ADCYAP1: variants seen among roughly 807,000 people sequenced by gnomAD.
The protein encoded by ADCYAP1 is pituitary adenylate cyclase-activating polypeptide.
Under a neutral mutation model 18.5 loss-of-function variants are expected in ADCYAP1, and 6 were observed. That is an observed-to-expected ratio of 0.32 (90% confidence interval 0.18 to 0.64). The LOEUF (loss-of-function observed/expected upper bound fraction) is 0.64. Among genes scored for constraint, ADCYAP1 ranks in the 30% least tolerant of loss-of-function variants. ADCYAP1 has a pLI of 0.77. For missense variants in ADCYAP1, 314 were observed against 253.6 expected (o/e 1.24, Z -1.62); for synonymous variants, 136 against 113.9 (o/e 1.19, Z -1.24).
intron 2 of ADCYAP1, chr18:907,417 C>A (rs1909208176): frequency 9.2e-6 from 4 of 435,744 alleles, no homozygotes; most frequent in Non-Finnish European, 1.2e-5. Flanking sequence ...GGCCGTGGCC[C>A]GCAGGACGAC....
In ADCYAP1 at chr18:907,694, C is replaced by G; in HGVS notation, c.146C>G (p.Pro49Arg). ...GAGGCGTACGGCGAGGACGGAAACC[C>G]GCTGCCAGACTTCGATGGCTCGGAG... is the stretch of plus-strand genomic sequence containing the variant. ...EEEAYGEDGN[P>R]LPDFDGSEPP... Residue 49 changes from proline (P) to arginine (R), a missense_variant, in exon 3 of 5, where the codon CCG becomes CGG. Pro to Arg is a moderately radical substitution (Grantham distance 103). Coordinates refer to ENST00000450565, the MANE Select transcript of ADCYAP1 (RefSeq NM_001099733.2). The G allele has an allele frequency of 6.4e-7, 1 of 1,569,758 alleles. No individual in the cohort carries two copies. The highest frequency in any genetic ancestry group is 2.4e-5 in the East Asian group (1 of 42,412).
Position 910,945 on chromosome 18 carries a change from G to A in ADCYAP1, c.*1310G>A, listed in dbSNP as rs1387202442. ...GAAACCCCTCTGTAGCCACTAGTAA[G>A]TAATTATGCACTAAATATGAACCCT... On this transcript the variant is annotated 3_prime_UTR_variant, in exon 5 of 5. Coordinates refer to ENST00000450565, the MANE Select transcript of ADCYAP1 (RefSeq NM_001099733.2). The A allele has an allele frequency of 2.0e-5, 3 of 151,986 alleles. No individual in the cohort carries two copies. The highest frequency in any genetic ancestry group is 4.4e-5 in the Non-Finnish European group (3 of 68,026). 9.4% of individuals were successfully genotyped at this position (151,986 alleles called of 1,614,324 possible).
At chr18:905,148 C>T (rs962707791) in intron 1 of ADCYAP1, 88 bp downstream of exon 1, 1 of 1,393,222 alleles carries the variant, frequency 7.2e-7, no homozygotes, top group Admixed American at 2.9e-5. Context: ...GTTAGCTTTC[C>T]TTCAGCCGGG....
chr18:904,531 C>G, upstream of ADCYAP1: 1 of 1,289,194 alleles, frequency 7.8e-7, no homozygotes, highest in Non-Finnish European at 1.0e-6. Context: ...CCGGTCACCT[C>G]TGTAACCAGC....
At chr18:904,536 A>G, upstream of ADCYAP1, 1 of 1,289,166 alleles carries the variant, frequency 7.8e-7, no homozygotes, top group Non-Finnish European at 1.0e-6. Flanking sequence ...CACCTCTGTA[A>G]CCAGCGGTAG....
Position 905,406 on chromosome 18 carries a change from C to A in ADCYAP1, c.20C>A (p.Ala7Glu). 3 of 1,613,066 alleles carry A rather than the reference C, an allele frequency of 1.9e-6. No individual in the cohort carries two copies. Among genetic ancestry groups the A allele is most frequent in the Non-Finnish European group, 8.5e-7 (1 of 1,180,016 alleles). The part of the protein sequence containing the change: MTMCSG[A>E]RLALLVYGII... The stretch of plus-strand genomic sequence containing the variant: ...CGCAGAATGACCATGTGTAGCGGAG[C>A]GAGGCTGGCCCTGCTGGTCTATGGG... Residue 7 changes from alanine (A) to glutamate (E), a missense_variant, in exon 2 of 5, where the codon GCG becomes GAG. Coordinates refer to ENST00000450565, the MANE Select transcript of ADCYAP1 (RefSeq NM_001099733.2).
At position 911,850 on chromosome 18, in the gene ADCYAP1, A is replaced by G. The variant is rs1455211512; in HGVS notation, c.*2215A>G. On this transcript the variant is annotated 3_prime_UTR_variant, in exon 5 of 5. Transcript: ENST00000450565. ...TATTTGTATCAGCTGTTAGTGGTGA[A>G]ATAGGGCTCTAGTTAACCTTTTATT... The G allele has an allele frequency of 6.6e-6, 1 of 152,218 alleles. No homozygotes were observed. Among genetic ancestry groups the G allele is most frequent in the Non-Finnish European group, 1.5e-5 (1 of 68,046 alleles). The allele number at this position is 152,218 out of a possible 1,614,324, so 9.4% of individuals were successfully genotyped here.
In ADCYAP1 at chr18:907,441, A is replaced by AG. The variant is rs33986139; in HGVS notation, c.111-211dup. 1.2e-4 allele frequency: 50 copies of AG among 414,862 alleles called. No homozygotes were observed. In the Admixed American group the frequency reaches 1.8e-3, roughly 15 times the overall value. 25.7% of individuals were successfully genotyped at this position (414,862 alleles called of 1,614,324 possible). ...CCGCAGGACGACCCTTTACCCGCGA[A>AG]GGGGGGGTGGGCGGGCCGCCCGGCG... On this transcript the variant is annotated intron_variant, in intron 2 of 4. Coordinates refer to ENST00000450565, the MANE Select transcript of ADCYAP1 (RefSeq NM_001099733.2).
At chr18:907,322 A>G (rs1161088529) in intron 2 of ADCYAP1, among the ~76,000 whole-genome samples, 1 of 151,928 alleles carries the variant, frequency 6.6e-6, no homozygotes, top group East Asian at 1.9e-4. Context: ...GAGGCTCGGG[A>G]GCCAGGCGGG....
chr18:905,765 C>T (rs996946620), intron 2 of ADCYAP1: 10 of 494,672 alleles, frequency 2.0e-5, no homozygotes, highest in Non-Finnish European at 3.6e-5. Flanking sequence ...CTGGAGAACC[C>T]CCCCTCCCCC....
In ADCYAP1 at chr18:904,890, A is replaced by G. The variant is rs779405150; in HGVS notation, c.-172A>G. 9 of 1,288,310 alleles carry G rather than the reference A, an allele frequency of 7.0e-6. No homozygotes were observed. In the East Asian group the frequency reaches 2.2e-4, roughly 32 times the overall value. 79.8% of individuals were successfully genotyped at this position (1,288,310 alleles called of 1,614,324 possible). On this transcript the variant is annotated 5_prime_UTR_variant, in exon 1 of 5. Transcript: ENST00000450565. Reference sequence around the variant, plus strand: ...TTGAGCAGAACACGAGCCTCGGCAAACGAGTCCCGCAGCTCCTCCTGCTGC... The same window carrying G: ...TTGAGCAGAACACGAGCCTCGGCAAGCGAGTCCCGCAGCTCCTCCTGCTGC...
At position 909,427 on chromosome 18, in the gene ADCYAP1, C is replaced by T. The variant is rs1909301348; in HGVS notation, c.342-19C>T. 3.1e-6 allele frequency: 5 copies of T among 1,605,882 alleles called. No homozygotes were observed. The highest frequency in any genetic ancestry group is 4.3e-6 in the Non-Finnish European group (5 of 1,176,360). On this transcript the variant is annotated intron_variant, in intron 4 of 4. Transcript: ENST00000450565. ...TGTCTCCCGCCCCGCCACCCTCTTC[C>T]CGACCCCTTTGCTTGCAGTGGGAGC... is the stretch of plus-strand genomic sequence containing the variant.
intron 4 of ADCYAP1, among the ~76,000 whole-genome samples, chr18:908,743 T>C (rs1487341036): frequency 6.6e-6 from 1 of 152,064 alleles, no homozygotes; most frequent in Non-Finnish European, 1.5e-5. Flanking sequence ...AAAATTCAAA[T>C]CGAAATAATA....
intron 1 of ADCYAP1, 116 bp from the exon 2 acceptor site, chr18:905,270 C>T: frequency 2.0e-6 from 3 of 1,514,688 alleles, no homozygotes; most frequent in Non-Finnish European, 2.6e-6. Flanking sequence ...CTGTTCAACT[C>T]AGGGAGCCGG....
At chr18:905,119 T>C (rs1325831166) in intron 1 of ADCYAP1, 59 bp downstream of exon 1, 3 of 1,364,498 alleles carry the variant, frequency 2.2e-6, no homozygotes, top group African/African-American at 2.9e-5. Context: ...ATTCTTTCGC[T>C]TGGCATCGCG....
rs1909104098 is a variant in ADCYAP1, at chr18:904,982, C to G, written c.-80C>G. On this transcript the variant is annotated 5_prime_UTR_variant, in exon 1 of 5. Coordinates refer to ENST00000450565, the MANE Select transcript of ADCYAP1 (RefSeq NM_001099733.2). ...GACGGCGATGCCTCTCGGGTGGTGA[C>G]TCCAGCGCAGGAACTTGAAGAAGCG... 7.7e-7 allele frequency: 1 copy of G among 1,291,566 alleles called. No homozygotes were observed. Among genetic ancestry groups the G allele is most frequent in the African/African-American group, 1.5e-5 (1 of 66,010 alleles). The allele number at this position is 1,291,566 out of a possible 1,614,324, so 80.0% of individuals were successfully genotyped here. A position where few individuals can be genotyped will look rare whatever the true frequency, so the allele number is the denominator to read the frequency against.
Position 909,630 on chromosome 18 carries a change from T to C in ADCYAP1, c.526T>C (p.Leu176=). The C allele has an allele frequency of 6.2e-7, 1 of 1,613,358 alleles. No homozygotes were observed. The highest frequency in any genetic ancestry group is 8.5e-7 in the Non-Finnish European group (1 of 1,179,478). The part of the protein sequence containing the change: ...VKNKGRRIAY[L] Reference sequence around the variant, plus strand: ...AAACAAAGGACGCCGAATAGCTTATTTGTAGCGATGGGTTACCAGCTACCC... The same window carrying C: ...AAACAAAGGACGCCGAATAGCTTATCTGTAGCGATGGGTTACCAGCTACCC... Residue 176 remains leucine (L), a synonymous_variant, in exon 5 of 5, where the codon TTG becomes CTG. Coordinates refer to ENST00000450565, the MANE Select transcript of ADCYAP1 (RefSeq NM_001099733.2).
In ADCYAP1 at chr18:905,762, A is replaced by AC. The variant is rs199521613; in HGVS notation, c.110+273dup. On this transcript the variant is annotated intron_variant, in intron 2 of 4. Transcript: ENST00000450565. Reference sequence around the variant, plus strand: ...CCAGTGAGCTTCTGGCCGCTGGAGAACCCCCCCTCCCCCAACCCGGCCCAC... The same window carrying AC: ...CCAGTGAGCTTCTGGCCGCTGGAGAACCCCCCCCTCCCCCAACCCGGCCCAC... 2,827 of 474,348 alleles carry AC rather than the reference A, an allele frequency of 6.0e-3. 47 individuals carry two copies. The highest frequency in any genetic ancestry group is 0.048 in the African/African-American group (2,377 of 49,308). 29.4% of individuals were successfully genotyped at this position (474,348 alleles called of 1,614,324 possible).
chr18:908,409 C>T, intron 4 of ADCYAP1, 46 bp downstream of exon 4: 2 of 1,552,516 alleles, frequency 1.3e-6, no homozygotes, highest in South Asian at 2.3e-5. Flanking sequence ...GGGGTGGGTG[C>T]CTGTGCGGGG....
Sources: allele counts gnomAD v4.1 joint callset (sites outside exome capture counted in the v4.1 genomes callset), GRCh38; gene constraint gnomAD v4.1.1; transcripts MANE v1.5; gene names NCBI Gene and HGNC (gene_info 2026-07-23, HGNC 2026-07-21).